HDAC9: variants seen among roughly 807,000 people sequenced by gnomAD.
HDAC9 encodes the protein histone deacetylase 9.
Under a neutral mutation model 139.4 loss-of-function variants are expected in HDAC9, and 41 were observed. The observed-to-expected ratio is 0.29, with a 90% CI of 0.23 to 0.38. The LOEUF (loss-of-function observed/expected upper bound fraction) is 0.38, where lower values mean the gene tolerates loss of function less well. HDAC9 is among the 10% of genes least tolerant of loss of function. HDAC9 has a pLI of 1.00. For synonymous variants in HDAC9, 517 were observed against 476.2 expected, an observed-to-expected ratio of 1.09 and a Z score of -1.12; for missense variants, 1,147 against 1,297.0, an observed-to-expected ratio of 0.88 and a Z score of 1.78.
intron 1 of HDAC9, among the ~76,000 whole-genome samples, chr7:18,449,881 A>G (rs1459010559): frequency 6.6e-6 from 1 of 152,176 alleles, no homozygotes; most frequent in East Asian, 1.9e-4. Context: ...CCTCTGCTCT[A>G]TACTCATGTC....
At chr7:18,119,675 T>C (rs1340896829) in intron 1 of HDAC9, among the ~76,000 whole-genome samples, 1 of 152,186 alleles carries the variant, frequency 6.6e-6, no homozygotes, top group African/African-American at 2.4e-5. Flanking sequence ...CTAATTTGGA[T>C]TTTCCCAATA....
intron 22 of HDAC9, among the ~76,000 whole-genome samples, chr7:18,896,759 C>T (rs891556210): frequency 3.9e-5 from 6 of 151,994 alleles, no homozygotes; most frequent in Non-Finnish European, 5.9e-5. Context: ...ATAGTGACAT[C>T]GGGTCACACG....
At chr7:18,108,132 T>TAG (rs1012980905) in intron 1 of HDAC9, among the ~76,000 whole-genome samples, 8 of 152,300 alleles carry the variant, frequency 5.3e-5, no homozygotes, top group African/African-American at 1.9e-4. Flanking sequence ...TATGATATCC[T>TAG]AGAACCTGTT....
At chr7:18,796,571 C>A (rs545354903) in intron 17 of HDAC9, among the ~76,000 whole-genome samples, 2 of 152,252 alleles carry the variant, frequency 1.3e-5, no homozygotes, top group African/African-American at 4.8e-5. Flanking sequence ...TTAAACAATA[C>A]ATTTTTAAAA....
chr7:18,924,866 T>C (rs1804076949), intron 22 of HDAC9, among the ~76,000 whole-genome samples: 1 of 152,130 alleles, frequency 6.6e-6, no homozygotes, highest in Non-Finnish European at 1.5e-5. Flanking sequence ...GTGCATAAGC[T>C]TTTTGGCAAT....
chr7:18,505,802 A>T (rs983015429), intron 2 of HDAC9: 1 of 152,212 alleles, frequency 6.6e-6, no homozygotes, highest in South Asian at 2.1e-4. Context: ...CACGTTAATG[A>T]TTGACATAAT....
chr7:18,172,327 G>A (rs975624612), intron 2 of HDAC9, among the ~76,000 whole-genome samples: 3 of 152,058 alleles, frequency 2.0e-5, no homozygotes, highest in African/African-American at 7.2e-5. Flanking sequence ...GCGTCTATTT[G>A]ATTCTTCTCT....
intron 6 of HDAC9, among the ~76,000 whole-genome samples, chr7:18,619,461 A>G (rs979233998): frequency 5.9e-5 from 9 of 152,318 alleles, no homozygotes; most frequent in African/African-American, 1.7e-4. Flanking sequence ...ATTACATTAT[A>G]TTTCTGCTAA....
At chr7:18,119,857 A>C (rs1451624976) in intron 1 of HDAC9, among the ~76,000 whole-genome samples, 1 of 152,146 alleles carries the variant, frequency 6.6e-6, no homozygotes, top group East Asian at 1.9e-4. Context: ...CTTCTCTCAA[A>C]ATTCTTTTCT....
At chr7:18,747,987 A>T (rs1788129615) in intron 13 of HDAC9, among the ~76,000 whole-genome samples, 1 of 152,156 alleles carries the variant, frequency 6.6e-6, no homozygotes, top group African/African-American at 2.4e-5. Context: ...TTGTTGTAAA[A>T]CTTCTTATAA....
intron 24 of HDAC9, 27 bp from the exon 25 acceptor site, chr7:18,975,779 A>G: frequency 6.2e-7 from 1 of 1,609,270 alleles, no homozygotes; most frequent in Admixed American, 1.7e-5. Flanking sequence ...TACAATTCTT[A>G]TGAAGTATGA....
intron 22 of HDAC9, among the ~76,000 whole-genome samples, chr7:18,929,323 T>A (rs1052845790): frequency 6.6e-6 from 1 of 152,142 alleles, no homozygotes. Context: ...TCTATTTTTA[T>A]AATCAAAAAT....
intron 25 of HDAC9, 76 bp downstream of exon 25, chr7:18,976,029 C>G: frequency 6.8e-7 from 1 of 1,467,090 alleles, no homozygotes. Context: ...AATCTTCCTC[C>G]TGGCTTTCCT....
intron 1 of HDAC9, among the ~76,000 whole-genome samples, chr7:18,123,640 G>A (rs1463797167): frequency 6.6e-6 from 1 of 152,174 alleles, no homozygotes; most frequent in African/African-American, 2.4e-5. Flanking sequence ...ATGAGGATCA[G>A]CATTTTTTCC....
At chr7:18,363,296 CT>C (rs1783925257) in intron 1 of HDAC9, among the ~76,000 whole-genome samples, 1 of 151,992 alleles carries the variant, frequency 6.6e-6, no homozygotes, top group African/African-American at 2.4e-5. Flanking sequence ...TTCCTGGTGT[CT>C]GATCTTAGAT....
At chr7:18,185,435 T>A (rs1189937011) in intron 2 of HDAC9, among the ~76,000 whole-genome samples, 1 of 152,150 alleles carries the variant, frequency 6.6e-6, no homozygotes, top group Non-Finnish European at 1.5e-5. Flanking sequence ...AAGAACAGGA[T>A]AAAGTAAATA....
intron 17 of HDAC9, among the ~76,000 whole-genome samples, chr7:18,811,599 T>C (rs35286474): frequency 0.22 from 32,690 of 151,668 alleles, 3,764 homozygotes; most frequent in Middle Eastern, 0.29. Flanking sequence ...ACATTTTCTG[T>C]AGAGCTTTAA....
intron 13 of HDAC9, among the ~76,000 whole-genome samples, chr7:18,738,630 C>T (rs1787150261): frequency 6.6e-6 from 1 of 152,228 alleles, no homozygotes; most frequent in Non-Finnish European, 1.5e-5. Context: ...GAGAGATCCG[C>T]TGTTAGTCTG....
chr7:18,092,155 G>T lies in HDAC9; in HGVS notation c.-97+4942G>T, dbSNP rs188902278. On this transcript the variant is annotated intron_variant, in intron 1 of 12. Transcript: ENST00000417496. Reference sequence around the variant, plus strand: ...AATCCCAGCACTTTGGCAGGCCAAGGCAGATGAACTGCTTGAGTCCAGGAG... The same window carrying T: ...AATCCCAGCACTTTGGCAGGCCAAGTCAGATGAACTGCTTGAGTCCAGGAG... Among the ~76,000 whole-genome samples the T allele has an allele frequency of 1.5e-3, 235 of 152,268 alleles. 3 individuals are homozygous for T. In the Middle Eastern group the frequency reaches 0.017, roughly 11 times the overall value.
Sources: allele counts gnomAD v4.1 joint callset (sites outside exome capture counted in the v4.1 genomes callset), GRCh38; gene constraint gnomAD v4.1.1; transcripts MANE v1.5; gene names NCBI Gene and HGNC (gene_info 2026-07-23, HGNC 2026-07-21).